The following ULK4 variants were observed in gnomAD, a reference collection of about 807,000 sequenced individuals.
ULK4 encodes the protein inactive serine/threonine-protein kinase ULK4.
A neutral mutation model predicts 160.6 loss-of-function variants in ULK4; 133 were observed. That is an observed-to-expected ratio of 0.83 (90% confidence interval 0.72 to 0.96). The LOEUF (loss-of-function observed/expected upper bound fraction) is 0.96. Among genes scored for constraint, ULK4 ranks in the 40% least tolerant of loss-of-function variants. The probability of loss-of-function intolerance (pLI) is 0.00; values close to 1 mark genes in which losing one functional copy is unlikely to be tolerated. For missense variants in ULK4, 1,580 were observed against 1,499.5 expected, an observed-to-expected ratio of 1.05 and a Z score of -0.89; for synonymous variants, 534 against 539.8, an observed-to-expected ratio of 0.99 and a Z score of 0.15.
At chr3:41,643,309 G>A (rs1265470279) in intron 30 of ULK4, among the ~76,000 whole-genome samples, 3 of 152,218 alleles carry the variant, frequency 2.0e-5, no homozygotes, top group East Asian at 3.9e-4. Flanking sequence ...TTCTTCTACG[G>A]TTTTTATGGT....
intron 20 of ULK4, among the ~76,000 whole-genome samples, chr3:41,795,428 T>C (rs12186109): frequency 0.12 from 18,818 of 152,166 alleles, 1,331 homozygotes; most frequent in Middle Eastern, 0.27. Context: ...TACTCACACG[T>C]AGGGCAGGAT....
At chr3:41,920,312 A>G (rs1211874228) in intron 5 of ULK4, among the ~76,000 whole-genome samples, 10 of 152,266 alleles carry the variant, frequency 6.6e-5, no homozygotes, top group Non-Finnish European at 1.5e-4. Flanking sequence ...TAAAATTCCC[A>G]TCTCAAAGTT....
chr3:41,458,313 A>T (rs992880371), intron 33 of ULK4, among the ~76,000 whole-genome samples: 3 of 152,216 alleles, frequency 2.0e-5, no homozygotes, highest in Non-Finnish European at 4.4e-5. Context: ...TGGGGACTGA[A>T]TCATATTCAT....
chr3:41,506,747 T>A (rs2085383683), intron 32 of ULK4, among the ~76,000 whole-genome samples: 1 of 45,084 alleles, frequency 2.2e-5, no homozygotes, highest in African/African-American at 6.7e-5. Flanking sequence ...TCCAAAGCAA[T>A]ACACTGGAGT....
At chr3:41,948,675 C>A (rs1700187410) in intron 2 of ULK4, among the ~76,000 whole-genome samples, 1 of 141,414 alleles carries the variant, frequency 7.1e-6, no homozygotes, top group Non-Finnish European at 1.5e-5. Context: ...AACGCATGAT[C>A]ATCTCAATTA....
intron 21 of ULK4, among the ~76,000 whole-genome samples, chr3:41,785,791 T>C (rs2039982804): frequency 2.0e-5 from 3 of 152,234 alleles, no homozygotes; most frequent in South Asian, 4.1e-4. Context: ...TAAAACCCCT[T>C]AGGAAGGCCA....
Position 41,506,764 on chromosome 3 carries a change from T to TAAAAA in ULK4, c.3227-43512_3227-43511insTTTTT, listed in dbSNP as rs200785051. On this transcript the variant is annotated intron_variant, in intron 32 of 36. Coordinates refer to ENST00000301831, the MANE Select transcript of ULK4 (RefSeq NM_017886.4). The stretch of plus-strand genomic sequence containing the variant: ...CAAAGCAATACACTGGAGTGTGATT[T>TAAAAA]AAAATATATATATATATATATATAT... Among the ~76,000 whole-genome samples the TAAAAA allele has an allele frequency of 3.0e-3, 60 of 19,920 alleles. 8 individuals are homozygous for TAAAAA. The highest frequency in any genetic ancestry group is 4.0e-3 in the South Asian group (2 of 500). The allele number at this position is 19,920 out of a possible 152,430, so 13.1% of individuals were successfully genotyped here.
chr3:41,573,698 G>A (rs866212952), intron 31 of ULK4, among the ~76,000 whole-genome samples: 1 of 152,210 alleles, frequency 6.6e-6, no homozygotes, highest in South Asian at 2.1e-4. Context: ...TTCAACACAC[G>A]CTTAAACTAC....
At chr3:41,303,213 T>G (rs761743810) in intron 35 of ULK4, among the ~76,000 whole-genome samples, 2 of 152,228 alleles carry the variant, frequency 1.3e-5, no homozygotes, top group Non-Finnish European at 2.9e-5. Flanking sequence ...GGTTTTCCTA[T>G]TTTTGAATAA....
chr3:41,431,617 T>C (rs1388535188), intron 34 of ULK4, among the ~76,000 whole-genome samples: 2 of 147,076 alleles, frequency 1.4e-5, no homozygotes, highest in Non-Finnish European at 1.5e-5. Flanking sequence ...TGTTAATCAG[T>C]AAAGCCTACT....
At chr3:41,446,920 G>A (rs34086444) in intron 34 of ULK4, among the ~76,000 whole-genome samples, 40,016 of 149,578 alleles carry the variant, frequency 0.27, 5,568 homozygotes, top group East Asian at 0.57. Context: ...AAATAAAAAC[G>A]TACCAAAAAA....
At chr3:41,278,255 T>C (rs981799351) in intron 35 of ULK4, 2 of 152,460 alleles carry the variant, frequency 1.3e-5, no homozygotes, top group Non-Finnish European at 2.9e-5. Flanking sequence ...GTGTCCGTCA[T>C]TGCTGAGGCT....
intron 21 of ULK4, among the ~76,000 whole-genome samples, chr3:41,772,233 G>A (rs943506438): frequency 4.6e-5 from 7 of 152,166 alleles, no homozygotes; most frequent in Admixed American, 6.6e-5. Flanking sequence ...CAGAACTGAA[G>A]GAGATAGAGA....
At chr3:41,538,976 A>G (rs1472214285) in intron 32 of ULK4, among the ~76,000 whole-genome samples, 2 of 151,460 alleles carry the variant, frequency 1.3e-5, no homozygotes, top group Admixed American at 6.6e-5. Flanking sequence ...ATGGTAGTCA[A>G]TGAAAAAACA....
intron 21 of ULK4, among the ~76,000 whole-genome samples, chr3:41,756,137 T>C (rs1459713773): frequency 5.3e-5 from 8 of 152,216 alleles, no homozygotes; most frequent in Non-Finnish European, 1.2e-4. Flanking sequence ...ACATGAGTAC[T>C]AGCCAAACTC....
rs191101340 is a variant in ULK4, at chr3:41,871,366, A to G, written c.1656+12508T>C. 3.3e-5 allele frequency among the ~76,000 whole-genome samples: 5 copies of G among 152,346 alleles called. No homozygotes were observed. The East Asian group carries it at 7.7e-4, about 23-fold the overall frequency. ...GAAAAAAAGCTCAAAGTAAATATGTAATATGTATATTCATATGGATATGTA... is the reference window on the plus strand; with the variant it reads ...GAAAAAAAGCTCAAAGTAAATATGTGATATGTATATTCATATGGATATGTA... On this transcript the variant is annotated intron_variant, in intron 17 of 36. Coordinates refer to ENST00000301831, the MANE Select transcript of ULK4 (RefSeq NM_017886.4).
intron 22 of ULK4, among the ~76,000 whole-genome samples, chr3:41,722,439 A>C (rs1291858443): frequency 6.6e-6 from 1 of 151,652 alleles, no homozygotes; most frequent in Non-Finnish European, 1.5e-5. Flanking sequence ...GACCAGCCTG[A>C]CCAACATGGA....
chr3:41,249,455 G>C, intron 36 of ULK4, 34 bp downstream of exon 36: 1 of 1,593,826 alleles, frequency 6.3e-7, no homozygotes, highest in Non-Finnish European at 8.6e-7. Flanking sequence ...TGCTGATCTA[G>C]AGCAGACTGC....
intron 21 of ULK4, among the ~76,000 whole-genome samples, chr3:41,787,134 C>T (rs1348487284): frequency 1.3e-5 from 2 of 152,154 alleles, no homozygotes; most frequent in Non-Finnish European, 2.9e-5. Context: ...CAGCAAAGAG[C>T]AAGTAGGGAG....
Sources: allele counts gnomAD v4.1 joint callset (sites outside exome capture counted in the v4.1 genomes callset), GRCh38; gene constraint gnomAD v4.1.1; transcripts MANE v1.5; gene names NCBI Gene and HGNC (gene_info 2026-07-23, HGNC 2026-07-21).